The following FIG4 variants were observed in gnomAD, a reference collection of about 807,000 sequenced individuals.
FIG4 encodes FIG4 phosphoinositide 5-phosphatase.
FIG4 carries 112 observed loss-of-function variants against 118.6 expected under a neutral mutation model. The ratio of observed to expected loss-of-function variants is 0.94; its 90% confidence interval spans 0.81 to 1.11. The LOEUF (loss-of-function observed/expected upper bound fraction) is 1.11, where lower values mean the gene tolerates loss of function less well. Among genes scored for constraint, FIG4 ranks in the 50% least tolerant of loss-of-function variants. FIG4 has a pLI of 0.00. For synonymous variants in FIG4, 369 were observed against 381.2 expected (o/e 0.97, Z 0.37); for missense variants, 969 against 1,111.7 (o/e 0.87, Z 1.83).
intron 10 of FIG4, among the ~76,000 whole-genome samples, chr6:109,746,252 T>G (rs1251860309): frequency 6.6e-6 from 1 of 152,120 alleles, no homozygotes; most frequent in African/African-American, 2.4e-5. Flanking sequence ...TTAACAAGTA[T>G]TTTTGAGAGT....
intron 21 of FIG4, among the ~76,000 whole-genome samples, chr6:109,792,883 G>T (rs1778178638): frequency 6.6e-6 from 1 of 151,854 alleles, no homozygotes; most frequent in Non-Finnish European, 1.5e-5. Context: ...TAGAGACGGG[G>T]TTTCACTGTG....
At chr6:109,800,280 A>G (rs974537715) in intron 22 of FIG4, among the ~76,000 whole-genome samples, 2 of 152,218 alleles carry the variant, frequency 1.3e-5, no homozygotes, top group Admixed American at 1.3e-4. Flanking sequence ...CATTTTGGGC[A>G]TCTGACATGA....
rs11377100 is a variant in FIG4, at chr6:109,732,621, GT to G, written c.447-3del. The G allele has an allele frequency of 3.7e-3, 3,701 of 1,008,170 alleles. No individual in the cohort carries two copies. The highest frequency in any genetic ancestry group is 4.4e-3 in the Non-Finnish European group (2,926 of 668,916). The allele number at this position is 1,008,170 out of a possible 1,614,324, so 62.5% of individuals were successfully genotyped here. On this transcript the variant is annotated splice_polypyrimidine_tract_variant and intron_variant, in intron 4 of 22. Transcript: ENST00000230124. ...GTATTGGACAAATGAAATGTACTTTGTTTTTTTTTTTTTAGGTATCTACGAA... is the reference window on the plus strand; with the variant it reads ...GTATTGGACAAATGAAATGTACTTTGTTTTTTTTTTTTAGGTATCTACGAA...
chr6:109,694,175 C>G (rs937372764), intron 1 of FIG4, among the ~76,000 whole-genome samples: 2 of 152,160 alleles, frequency 1.3e-5, no homozygotes, highest in African/African-American at 2.4e-5. Flanking sequence ...AAGGCAGTTA[C>G]TTAACCCATT....
At chr6:109,744,989 G>A (rs998525196) in intron 10 of FIG4, among the ~76,000 whole-genome samples, 2 of 152,106 alleles carry the variant, frequency 1.3e-5, no homozygotes, top group African/African-American at 2.4e-5. Context: ...TTTTACGGCT[G>A]CATAGTATTC....
chr6:109,798,928 T>G (rs4330563), intron 22 of FIG4, among the ~76,000 whole-genome samples: 92,700 of 151,886 alleles, frequency 0.61, 30,712 homozygotes, highest in African/African-American at 0.86. Flanking sequence ...AATAGATATG[T>G]CCAAGGAAGG....
At chr6:109,727,015 G>T in intron 3 of FIG4, 94 bp from the exon 4 acceptor site, 1 of 942,164 alleles carries the variant, frequency 1.1e-6, no homozygotes. Context: ...AATAAAGTGA[G>T]AAATGTATCA....
rs753971119 is a variant in FIG4 at position 109,743,755 on chromosome 6, A to G, written c.1120A>G (p.Ile374Val). 5.6e-6 allele frequency: 9 copies of G among 1,611,954 alleles called. No homozygotes were observed. In the African/African-American group the frequency reaches 1.2e-4, roughly 22 times the overall value. The change falls in exon 10 of 23, where the codon ATC becomes GTC. Residue 374 changes from isoleucine to valine, a missense_variant. Coordinates refer to ENST00000230124, the MANE Select transcript of FIG4 (RefSeq NM_014845.6). ...CCAGAGGTTTGGCTCTCCCATCATC[A>G]TCTTGAATTTAGTGAAGGTATGATG... ...MFQRFGSPII[I>V]LNLVKEREKR...
chr6:109,779,862 G>T (rs1748497236), intron 16 of FIG4, among the ~76,000 whole-genome samples: 1 of 152,208 alleles, frequency 6.6e-6, no homozygotes, highest in Non-Finnish European at 1.5e-5. Context: ...TTCTGCAAGT[G>T]TATGTGGCCT....
At chr6:109,796,732 CT>C in intron 21 of FIG4, 32 bp from the exon 22 acceptor site, 1 of 1,294,798 alleles carries the variant, frequency 7.7e-7, no homozygotes, top group Non-Finnish European at 1.1e-6. Context: ...GTACTCCCTT[CT>C]TTAGCTGACT....
intron 20 of FIG4, 71 bp downstream of exon 20, chr6:109,791,642 G>T: frequency 7.2e-7 from 1 of 1,394,012 alleles, no homozygotes; most frequent in Non-Finnish European, 1.0e-6. Context: ...TCCGCTTTCA[G>T]TTAAAAGGCT....
At chr6:109,698,786 C>T (rs1774813833) in intron 1 of FIG4, among the ~76,000 whole-genome samples, 1 of 152,180 alleles carries the variant, frequency 6.6e-6, no homozygotes, top group African/African-American at 2.4e-5. Flanking sequence ...TGGCCAATTA[C>T]ATTAATTCAT....
chr6:109,764,757 T>C lies in FIG4; in HGVS notation c.1435-256T>C, dbSNP rs75356913. Reference sequence around the variant, plus strand: ...ATTTTGTTAAACTAACAAAGTAAATTCAAATATAGACCAGAAGATTTAACG... The same window carrying C: ...ATTTTGTTAAACTAACAAAGTAAATCCAAATATAGACCAGAAGATTTAACG... On this transcript the variant is annotated intron_variant, in intron 13 of 22. Coordinates refer to ENST00000230124, the MANE Select transcript of FIG4 (RefSeq NM_014845.6). Among the ~76,000 whole-genome samples, 3,874 of 152,338 alleles carry C rather than the reference T, an allele frequency of 0.025. 87 individuals are homozygous for C. The highest frequency in any genetic ancestry group is 0.091 in the East Asian group (472 of 5,184).
At chr6:109,750,087 T>C (rs1776643438) in intron 10 of FIG4, among the ~76,000 whole-genome samples, 1 of 152,196 alleles carries the variant, frequency 6.6e-6, no homozygotes, top group East Asian at 1.9e-4. Flanking sequence ...CACTCTTTAT[T>C]CTACCACCAT....
chr6:109,716,791 A>G (rs1424537937), intron 3 of FIG4, among the ~76,000 whole-genome samples: 1 of 152,244 alleles, frequency 6.6e-6, no homozygotes, highest in Non-Finnish European at 1.5e-5. Flanking sequence ...GGATACAAAC[A>G]AATATCAAAA....
At position 109,716,575 on chromosome 6, in the gene FIG4, A is replaced by G; in HGVS notation, c.289+7A>G. The stretch of plus-strand genomic sequence containing the variant: ...TCAGCTTTTGGTGTTGTGGGTAAGA[A>G]ATCTGCCCCCCTTCTTACAATCTCT... On this transcript the variant is annotated splice_region_variant and intron_variant, in intron 3 of 22. Coordinates refer to ENST00000230124, the MANE Select transcript of FIG4 (RefSeq NM_014845.6). The G allele has an allele frequency of 1.2e-6, 2 of 1,613,682 alleles. No individual in the cohort carries two copies. Among genetic ancestry groups the G allele is most frequent in the Non-Finnish European group, 1.7e-6 (2 of 1,179,666 alleles).
chr6:109,700,162 A>C (rs566638321), intron 1 of FIG4, among the ~76,000 whole-genome samples: 5 of 152,350 alleles, frequency 3.3e-5, no homozygotes, highest in African/African-American at 1.2e-4. Context: ...CATAGCAATC[A>C]ACTTATCTTT....
chr6:109,804,822 G>A (rs1243404936), intron 22 of FIG4, among the ~76,000 whole-genome samples: 1 of 152,114 alleles, frequency 6.6e-6, no homozygotes, highest in Non-Finnish European at 1.5e-5. Context: ...AACCCACTAT[G>A]TGGTATTGTT....
intron 4 of FIG4, among the ~76,000 whole-genome samples, chr6:109,731,484 T>C (rs1020286039): frequency 6.6e-6 from 1 of 152,156 alleles, no homozygotes; most frequent in African/African-American, 2.4e-5. Flanking sequence ...TCATGTGTAG[T>C]TGGCTTTCCT....
Sources: allele counts gnomAD v4.1 joint callset (sites outside exome capture counted in the v4.1 genomes callset), GRCh38; gene constraint gnomAD v4.1.1; transcripts MANE v1.5; gene names NCBI Gene and HGNC (gene_info 2026-07-23, HGNC 2026-07-21).